Variants in IL1RAPL1 observed in about 807,000 individuals in gnomAD.
The protein encoded by IL1RAPL1 is interleukin-1 receptor accessory protein-like 1.
IL1RAPL1 carries 3 observed loss-of-function variants against 48.4 expected under a neutral mutation model. That is an observed-to-expected ratio of 0.06 (90% CI 0.03 to 0.16). IL1RAPL1 has a LOEUF of 0.16. IL1RAPL1 is among the 10% of genes least tolerant of loss of function. The pLI is 1.00. For synonymous variants in IL1RAPL1, 185 were observed against 187.7 expected, an observed-to-expected ratio of 0.99 and a Z score of 0.12; for missense variants, 349 against 530.6, an observed-to-expected ratio of 0.66 and a Z score of 3.36.
At chrX:29,463,947 G>A (rs1050420895) in intron 5 of IL1RAPL1, among the ~76,000 whole-genome samples, 4 of 111,406 alleles carry the variant, frequency 3.6e-5, no homozygotes, top group African/African-American at 1.3e-4. Flanking sequence ...AGCCCTGTGA[G>A]TGAGTCATCT....
At chrX:29,552,698 T>A (rs1408570798) in intron 5 of IL1RAPL1, among the ~76,000 whole-genome samples, 1 of 110,820 alleles carries the variant, frequency 9.0e-6, no homozygotes, top group East Asian at 2.8e-4. Flanking sequence ...GCAATCCTTT[T>A]GTAAATGCCC....
intron 2 of IL1RAPL1, among the ~76,000 whole-genome samples, chrX:28,976,504 A>T (rs750945085): frequency 8.9e-6 from 1 of 111,935 alleles, no homozygotes; most frequent in East Asian, 2.8e-4. Context: ...GAAGGAACAG[A>T]TAAGGGGGAA....
At chrX:29,525,712 G>A (rs1227508192) in intron 5 of IL1RAPL1, among the ~76,000 whole-genome samples, 3 of 111,962 alleles carry the variant, frequency 2.7e-5, no homozygotes, top group Admixed American at 1.9e-4. Flanking sequence ...GAATATTAAC[G>A]TGGAACAGAA....
chrX:29,406,000 A>G (rs1411423083), intron 5 of IL1RAPL1, among the ~76,000 whole-genome samples: 8 of 111,587 alleles, frequency 7.2e-5, no homozygotes, highest in African/African-American at 2.6e-4. Flanking sequence ...TCTATTTTCA[A>G]GCTCACACAT....
intron 6 of IL1RAPL1, among the ~76,000 whole-genome samples, chrX:29,718,302 G>A (rs749833402): frequency 3.6e-5 from 4 of 110,369 alleles, no homozygotes; most frequent in Admixed American, 1.9e-4. Context: ...CATGTCCTTC[G>A]CAGGGACATG....
intron 2 of IL1RAPL1, among the ~76,000 whole-genome samples, chrX:28,869,126 C>T (rs762136894): frequency 2.6e-4 from 29 of 112,604 alleles, no homozygotes; most frequent in Non-Finnish European, 4.7e-4. Flanking sequence ...ACAATGTCCT[C>T]GATCTTTGCT....
chrX:29,599,006 G>A (rs1313177312), intron 5 of IL1RAPL1, among the ~76,000 whole-genome samples: 1 of 112,156 alleles, frequency 8.9e-6, no homozygotes, highest in East Asian at 2.8e-4. Context: ...ATCTTTTAAA[G>A]TGGAGTTTTG....
At chrX:29,820,755 T>C (rs982523632) in intron 6 of IL1RAPL1, among the ~76,000 whole-genome samples, 3 of 112,198 alleles carry the variant, frequency 2.7e-5, no homozygotes, top group African/African-American at 9.7e-5. Flanking sequence ...GGAGTTTGAG[T>C]AATTTTTCAA....
chrX:28,753,991 A>C (rs2188391), intron 1 of IL1RAPL1, among the ~76,000 whole-genome samples: 52,725 of 109,565 alleles, frequency 0.48, 9,607 homozygotes, highest in Middle Eastern at 0.7. Context: ...CTTATTAACT[A>C]TTCTCAAGTA....
chrX:29,760,864 C>T (rs1928735449), intron 6 of IL1RAPL1, among the ~76,000 whole-genome samples: 1 of 111,985 alleles, frequency 8.9e-6, no homozygotes, highest in South Asian at 3.7e-4. Flanking sequence ...ATGAATTATT[C>T]AGTCATTCAA....
intron 5 of IL1RAPL1, among the ~76,000 whole-genome samples, chrX:29,473,114 G>A (rs1429851052): frequency 5.4e-5 from 6 of 111,395 alleles, no homozygotes; most frequent in Non-Finnish European, 9.4e-5. Context: ...GGGCCATGAG[G>A]GAAGGATATG....
chrX:29,205,363 A>G (rs975694029), intron 2 of IL1RAPL1, among the ~76,000 whole-genome samples: 1 of 112,409 alleles, frequency 8.9e-6, no homozygotes, highest in Admixed American at 9.5e-5. Context: ...AATTTAGGCC[A>G]TAATATTTGA....
chrX:29,568,539 AT>A (rs1211606403), intron 5 of IL1RAPL1, among the ~76,000 whole-genome samples: 1 of 110,970 alleles, frequency 9.0e-6, no homozygotes, highest in African/African-American at 3.3e-5. Flanking sequence ...TATAAATGTT[AT>A]TTCAACAGCA....
intron 2 of IL1RAPL1, among the ~76,000 whole-genome samples, chrX:28,800,895 ATTTT>A (rs1278194386): frequency 7.5e-5 from 7 of 93,341 alleles, no homozygotes; most frequent in African/African-American, 2.4e-4. Context: ...TTATTTATTT[ATTTT>A]GAGACAGAGT....
intron 2 of IL1RAPL1, among the ~76,000 whole-genome samples, chrX:29,015,454 G>C (rs1926219393): frequency 1.8e-5 from 2 of 110,657 alleles, no homozygotes; most frequent in Non-Finnish European, 3.8e-5. Flanking sequence ...ATACTATATT[G>C]ATGGTAGATG....
At chrX:29,501,533 G>A (rs1203276721) in intron 5 of IL1RAPL1, among the ~76,000 whole-genome samples, 2 of 111,127 alleles carry the variant, frequency 1.8e-5, no homozygotes, top group Non-Finnish European at 3.8e-5. Flanking sequence ...GATGTGATTG[G>A]TTATCCGGTT....
At chrX:29,678,475 T>C (rs917884417) in intron 6 of IL1RAPL1, among the ~76,000 whole-genome samples, 2 of 102,211 alleles carry the variant, frequency 2.0e-5, no homozygotes, top group Non-Finnish European at 3.9e-5. Context: ...CTGCCTCAGC[T>C]TCCCGAGTAG....
At chrX:29,410,053 C>G (rs1934122790) in intron 5 of IL1RAPL1, among the ~76,000 whole-genome samples, 1 of 110,688 alleles carries the variant, frequency 9.0e-6, no homozygotes, top group Admixed American at 9.6e-5. Flanking sequence ...AACTCCCAAC[C>G]TCAGGTGATC....
chrX:28,771,758 G>A (rs1936308662), intron 1 of IL1RAPL1, among the ~76,000 whole-genome samples: 1 of 110,310 alleles, frequency 9.1e-6, no homozygotes, highest in Non-Finnish European at 1.9e-5. Context: ...CACATATAAT[G>A]TAGGCCAATG....
Sources: gnomAD v4.1 joint callset for allele counts (sites outside exome capture counted in the v4.1 genomes callset) on GRCh38, gnomAD v4.1.1 for gene constraint, MANE v1.5 for transcripts, NCBI Gene and HGNC (gene_info 2026-07-23, HGNC 2026-07-21) for gene names.